The following FLT1 variants were observed in gnomAD, a reference collection of about 807,000 sequenced individuals.
FLT1 encodes the protein vascular endothelial growth factor receptor 1.
A neutral mutation model predicts 156.3 loss-of-function variants in FLT1; 49 were observed. The observed-to-expected ratio is 0.31, with a 90% CI of 0.25 to 0.40. The LOEUF (loss-of-function observed/expected upper bound fraction) is 0.40. Ranked by LOEUF, FLT1 falls within the 10% of genes least tolerant of loss-of-function variation. FLT1 has a pLI of 1.00. For missense variants in FLT1, 1,322 were observed against 1,637.2 expected (o/e 0.81, Z 3.32); for synonymous variants, 594 against 583.8 (o/e 1.02, Z -0.25).
chr13:28,412,388 C>T (rs1876332055), intron 10 of FLT1, among the ~76,000 whole-genome samples: 2 of 127,664 alleles, frequency 1.6e-5, no homozygotes, highest in African/African-American at 5.7e-5. Context: ...TTCTTTCTTT[C>T]TTTCTTTCTT....
intron 1 of FLT1, among the ~76,000 whole-genome samples, chr13:28,484,559 T>C (rs1438267117): frequency 1.3e-5 from 2 of 152,198 alleles, no homozygotes; most frequent in African/African-American, 2.4e-5. Context: ...TTCTGTCTTA[T>C]TGGAGATGTG....
At position 28,303,027 on chromosome 13, in the gene FLT1, A is replaced by G. The variant is rs1593662381; in HGVS notation, c.*140T>C. On this transcript the variant is annotated 3_prime_UTR_variant, in exon 30 of 30. Coordinates refer to ENST00000282397, the MANE Select transcript of FLT1 (RefSeq NM_002019.4). The stretch of plus-strand genomic sequence containing the variant: ...TGTTAGTCAAAAAAAAAAAAGCACT[A>G]TTAAAAAAATCACAAAAAGCAGCTG... 4 of 699,452 alleles carry G rather than the reference A, an allele frequency of 5.7e-6. No individual in the cohort carries two copies. Among genetic ancestry groups the G allele is most frequent in the South Asian group, 3.8e-5 (2 of 52,384 alleles). The allele number at this position is 699,452 out of a possible 1,614,324, so 43.3% of individuals were successfully genotyped here. A position where few individuals can be genotyped will look rare whatever the true frequency, so the allele number is the denominator to read the frequency against.
intron 13 of FLT1, 196 bp downstream of exon 13, chr13:28,389,600 G>A (rs1260759247): frequency 6.2e-6 from 9 of 1,454,006 alleles, no homozygotes; most frequent in African/African-American, 5.7e-5. Context: ...TATCATCTCC[G>A]AACTCATTTT....
intron 11 of FLT1, among the ~76,000 whole-genome samples, chr13:28,397,552 G>A (rs545986590): frequency 2.6e-5 from 4 of 152,018 alleles, no homozygotes; most frequent in Admixed American, 1.3e-4. Flanking sequence ...ATGTTTGGCT[G>A]AAACTTTTTT....
chr13:28,463,816 G>A (rs1047172195), intron 3 of FLT1, among the ~76,000 whole-genome samples: 1 of 152,116 alleles, frequency 6.6e-6, no homozygotes, highest in Non-Finnish European at 1.5e-5. Context: ...AAAATAATGA[G>A]AGAGAGACAT....
chr13:28,316,715 T>C (rs966049108), intron 25 of FLT1, among the ~76,000 whole-genome samples: 1 of 151,236 alleles, frequency 6.6e-6, no homozygotes, highest in Non-Finnish European at 1.5e-5. Flanking sequence ...CTTGGCTCAC[T>C]GCAATCTCCG....
chr13:28,339,246 C>A lies in FLT1; in HGVS notation c.2410G>T (p.Val804Phe). ...CGCTCACACTGCTCATCCAAAGGAA[C>A]TTCATCTGGGTCCATTATAATTGAT... ...YLSIIMDPDE[V>F]PLDEQCERLP... Residue 804 changes from valine to phenylalanine, a missense_variant, in exon 17 of 30, where the codon GTT (valine) becomes TTT (phenylalanine). Transcript: ENST00000282397. 1.2e-6 allele frequency: 2 copies of A among 1,613,672 alleles called. No individual in the cohort carries two copies. The highest frequency in any genetic ancestry group is 1.7e-6 in the Non-Finnish European group (2 of 1,179,626).
chr13:28,320,826 T>C (rs1008344117), intron 23 of FLT1, among the ~76,000 whole-genome samples: 20 of 152,062 alleles, frequency 1.3e-4, no homozygotes, highest in Non-Finnish European at 8.8e-5. Context: ...CTGTAACTCA[T>C]TGGCGCCCAG....
chr13:28,494,781 T>A lies in FLT1; in HGVS notation c.63A>T (p.Thr21=). The change falls in exon 1 of 30, where the codon ACA becomes ACT. Residue 21 remains threonine (T), a splice_region_variant and synonymous_variant. Coordinates refer to ENST00000282397, the MANE Select transcript of FLT1 (RefSeq NM_002019.4). ...CCCCGGCCCCCAGCCGCGCCTCACCTGTGAGAAGCAGACAGCTGAGCAGCG... is the reference window on the plus strand; with the variant it reads ...CCCCGGCCCCCAGCCGCGCCTCACCAGTGAGAAGCAGACAGCTGAGCAGCG... ...LCALLSCLLL[T]GSSSGSKLKD... The A allele has an allele frequency of 1.3e-6, 2 of 1,567,170 alleles. No homozygotes were observed. Among genetic ancestry groups the A allele is most frequent in the Non-Finnish European group, 1.7e-6 (2 of 1,161,528 alleles).
At chr13:28,328,584 C>T (rs934681198) in intron 19 of FLT1, among the ~76,000 whole-genome samples, 1 of 152,332 alleles carries the variant, frequency 6.6e-6, no homozygotes, top group Admixed American at 6.5e-5. Flanking sequence ...ACGAGGAACA[C>T]GCTAGAAATC....
intron 10 of FLT1, 69 bp downstream of exon 10, chr13:28,427,090 C>A: frequency 7.3e-7 from 1 of 1,377,182 alleles, no homozygotes; most frequent in African/African-American, 1.4e-5. Context: ...CATCTGCGTC[C>A]ATTAAAAAAT....
chr13:28,465,487 T>C (rs974576770), intron 3 of FLT1, among the ~76,000 whole-genome samples: 1 of 152,096 alleles, frequency 6.6e-6, no homozygotes, highest in Non-Finnish European at 1.5e-5. Context: ...ATCCTGAATT[T>C]GGATATGTAC....
chr13:28,375,965 G>T (rs1273840867), intron 14 of FLT1, among the ~76,000 whole-genome samples: 1 of 152,230 alleles, frequency 6.6e-6, no homozygotes, highest in East Asian at 1.9e-4. Context: ...TAAGGAATTT[G>T]ATTAAGGAAT....
Position 28,360,877 on chromosome 13 carries a change from G to A in FLT1, c.2117-3192C>T, listed in dbSNP as rs530398579. On this transcript the variant is annotated intron_variant, in intron 14 of 29. Coordinates refer to ENST00000282397, the MANE Select transcript of FLT1 (RefSeq NM_002019.4). ...AAAGAAATGATATTTGAGCTGATGG[G>A]TATGCTAATCAGGCTTATTTGATCC... Among the ~76,000 whole-genome samples the A allele has an allele frequency of 4.6e-5, 7 of 152,286 alleles. No homozygotes were observed. The South Asian group carries it at 1.4e-3, about 32-fold the overall frequency.
chr13:28,482,864 C>T (rs1479705952), intron 1 of FLT1, among the ~76,000 whole-genome samples: 1 of 152,188 alleles, frequency 6.6e-6, no homozygotes, highest in Non-Finnish European at 1.5e-5. Context: ...CTTTGCGTAG[C>T]GAATACTTTG....
chr13:28,481,237 T>C (rs1031271172), intron 1 of FLT1, among the ~76,000 whole-genome samples: 1 of 152,242 alleles, frequency 6.6e-6, no homozygotes, highest in Middle Eastern at 3.4e-3. Context: ...TGGGAAGCAA[T>C]TCTCTAGAAG....
chr13:28,409,321 A>G lies in FLT1; in HGVS notation c.1437-3427T>C, dbSNP rs547705734. Among the ~76,000 whole-genome samples the G allele has an allele frequency of 3.3e-5, 5 of 152,042 alleles. No individual in the cohort carries two copies. In the East Asian group the frequency reaches 9.7e-4, roughly 29 times the overall value. ...GGGGCCACAGAAAAAGGCAAAGCCAACAGAGGTCAAACCTACGATCTTTCT... is the reference window on the plus strand; with the variant it reads ...GGGGCCACAGAAAAAGGCAAAGCCAGCAGAGGTCAAACCTACGATCTTTCT... On this transcript the variant is annotated intron_variant, in intron 10 of 29. Coordinates refer to ENST00000282397, the MANE Select transcript of FLT1 (RefSeq NM_002019.4).
rs189428634 is a variant in FLT1 at position 28,440,284 on chromosome 13, G to A, written c.389-1939C>T. On this transcript the variant is annotated intron_variant, in intron 3 of 29. Coordinates refer to ENST00000282397, the MANE Select transcript of FLT1 (RefSeq NM_002019.4). ...ATGTGTACTGAATGAATGAGTGAAC[G>A]GGTATCCAACCCCGTCCTTTTACAG... is the stretch of plus-strand genomic sequence containing the variant. Among the ~76,000 whole-genome samples the A allele has an allele frequency of 4.6e-5, 7 of 152,294 alleles. No individual in the cohort carries two copies. In the East Asian group the frequency reaches 1.2e-3, roughly 25 times the overall value.
chr13:28,343,674 G>A lies in FLT1; in HGVS notation c.2355+1771C>T, dbSNP rs551404357. Among the ~76,000 whole-genome samples, 58 of 145,946 alleles carry A rather than the reference G, an allele frequency of 4.0e-4. 1 individual carries two copies. The highest frequency in any genetic ancestry group is 2.8e-3 in the Admixed American group (41 of 14,454). On this transcript the variant is annotated intron_variant, in intron 16 of 29. Transcript: ENST00000282397. Reference sequence around the variant, plus strand: ...TTTTTTTTTTCTGAGACAGAGTCTCGCTTTGTAGCCCAGGCTGGAGTGCAG... The same window carrying A: ...TTTTTTTTTTCTGAGACAGAGTCTCACTTTGTAGCCCAGGCTGGAGTGCAG...
Sources: gnomAD v4.1 joint callset for allele counts (sites outside exome capture counted in the v4.1 genomes callset) on GRCh38, gnomAD v4.1.1 for gene constraint, MANE v1.5 for transcripts, NCBI Gene and HGNC (gene_info 2026-07-23, HGNC 2026-07-21) for gene names.